ZBBX: variants seen among roughly 807,000 people sequenced by gnomAD.
The protein encoded by ZBBX is zinc finger B-box domain containing.
A neutral mutation model predicts 108.5 loss-of-function variants in ZBBX; 101 were observed. That is an observed-to-expected ratio of 0.93 (90% CI 0.79 to 1.10). The LOEUF is 1.10. Ranked by LOEUF, ZBBX falls within the 50% of genes least tolerant of loss-of-function variation. The probability of loss-of-function intolerance (pLI) is 0.00; values close to 1 mark genes in which losing one functional copy is unlikely to be tolerated. For synonymous variants in ZBBX, 356 were observed against 323.4 expected, an observed-to-expected ratio of 1.10 and a Z score of -1.08; for missense variants, 1,009 against 941.4, an observed-to-expected ratio of 1.07 and a Z score of -0.94.
chr3:167,249,892 T>C (rs963856793), intron 20 of ZBBX, among the ~76,000 whole-genome samples: 2 of 152,244 alleles, frequency 1.3e-5, no homozygotes, highest in African/African-American at 4.8e-5. Context: ...AGTGACGAGA[T>C]GGAAGACTGG....
intron 2 of ZBBX, among the ~76,000 whole-genome samples, chr3:167,375,074 G>T (rs1203702148): frequency 6.6e-6 from 1 of 152,164 alleles, no homozygotes; most frequent in African/African-American, 2.4e-5. Context: ...AGTCTAATGG[G>T]ATTTAGCAGG....
the ZBBX span, among the ~76,000 whole-genome samples, chr3:167,206,053 T>A: frequency 6.6e-6 from 1 of 152,084 alleles, no homozygotes; most frequent in Non-Finnish European, 1.5e-5. Flanking sequence ...TACAATATTA[T>A]TATTTCTAGT....
At chr3:167,401,252 T>C (rs910947562) in intron 1 of ZBBX, 2 of 152,142 alleles carry the variant, frequency 1.3e-5, no homozygotes, top group South Asian at 2.1e-4. Context: ...ACATTTGAAA[T>C]GAGTATCAAA....
intron 10 of ZBBX, among the ~76,000 whole-genome samples, chr3:167,330,060 AC>A (rs1271756132): frequency 6.6e-6 from 1 of 152,218 alleles, no homozygotes; most frequent in Non-Finnish European, 1.5e-5. Context: ...CTGGCAAAAG[AC>A]TGAAATAGCA....
At chr3:167,205,489 G>A in the ZBBX span, among the ~76,000 whole-genome samples, 347 of 152,298 alleles carry the variant, frequency 2.3e-3, 1 homozygote, top group Non-Finnish European at 3.4e-3. Context: ...TGGGTCATGT[G>A]TTAAATGGGA....
intron 1 of ZBBX, among the ~76,000 whole-genome samples, chr3:167,388,481 A>C (rs549223069): frequency 2.0e-5 from 3 of 152,026 alleles, no homozygotes; most frequent in South Asian, 4.2e-4. Flanking sequence ...AGACAGGGAG[A>C]TCAGTGAGAA....
chr3:167,182,646 C>A, the ZBBX span, among the ~76,000 whole-genome samples: 1 of 152,172 alleles, frequency 6.6e-6, no homozygotes, highest in African/African-American at 2.4e-5. Context: ...TGGGCCTGGG[C>A]ATTGCAAGCA....
intron 20 of ZBBX, among the ~76,000 whole-genome samples, chr3:167,280,997 T>G (rs1435139088): frequency 1.3e-5 from 2 of 152,068 alleles, no homozygotes; most frequent in Non-Finnish European, 2.9e-5. Flanking sequence ...AGTAAACTAT[T>G]GCAAGAACAA....
chr3:167,277,489 A>G (rs1385446876), intron 20 of ZBBX, among the ~76,000 whole-genome samples: 12 of 152,168 alleles, frequency 7.9e-5, no homozygotes, highest in Non-Finnish European at 1.5e-5. Flanking sequence ...ACAAAGATCA[A>G]AAGAGACAAA....
the ZBBX span, among the ~76,000 whole-genome samples, chr3:167,197,066 T>C: frequency 2.6e-5 from 4 of 152,236 alleles, no homozygotes; most frequent in Non-Finnish European, 5.9e-5. Flanking sequence ...TGCTGATATA[T>C]GGAAATGATT....
chr3:167,235,550 G>A (rs1720200490), downstream of ZBBX, among the ~76,000 whole-genome samples: 1 of 151,162 alleles, frequency 6.6e-6, no homozygotes, highest in East Asian at 1.9e-4. Flanking sequence ...ATATTCTTCT[G>A]GATAGAAAGC....
intron 9 of ZBBX, among the ~76,000 whole-genome samples, chr3:167,334,660 G>T (rs1371341217): frequency 6.6e-6 from 1 of 152,108 alleles, no homozygotes; most frequent in Non-Finnish European, 1.5e-5. Flanking sequence ...GGGTGCCAGA[G>T]TTAGGAAGTG....
chr3:167,330,369 C>T (rs1455018438), intron 10 of ZBBX, among the ~76,000 whole-genome samples: 6 of 151,998 alleles, frequency 3.9e-5, no homozygotes, highest in African/African-American at 1.2e-4. Context: ...TCTAAAAGAG[C>T]AATAAGGATA....
intron 18 of ZBBX, among the ~76,000 whole-genome samples, chr3:167,293,434 T>G (rs1337678629): frequency 6.6e-6 from 1 of 151,800 alleles, no homozygotes; most frequent in Non-Finnish European, 1.5e-5. Flanking sequence ...ACAGAACAAA[T>G]GACAAAAAAC....
intron 20 of ZBBX, among the ~76,000 whole-genome samples, chr3:167,256,108 G>C (rs1038540580): frequency 6.6e-6 from 1 of 152,024 alleles, no homozygotes; most frequent in African/African-American, 2.4e-5. Context: ...AATCTCCAGT[G>C]CCATCCATGT....
At chr3:167,316,469 A>C (rs1735474865) in intron 14 of ZBBX, among the ~76,000 whole-genome samples, 1 of 152,026 alleles carries the variant, frequency 6.6e-6, no homozygotes, top group South Asian at 2.1e-4. Context: ...TTCAGTCCAG[A>C]GCTCTAGCTC....
chr3:167,208,935 G>A, the ZBBX span, among the ~76,000 whole-genome samples: 1 of 152,110 alleles, frequency 6.6e-6, no homozygotes, highest in African/African-American at 2.4e-5. Flanking sequence ...AGAGGCCACT[G>A]CATTAACGGG....
chr3:167,269,788 T>C (rs2108464807), intron 20 of ZBBX, among the ~76,000 whole-genome samples: 1 of 152,322 alleles, frequency 6.6e-6, no homozygotes. Context: ...ATTCACCCTG[T>C]TGTCCCTAAC....
intron 19 of ZBBX, among the ~76,000 whole-genome samples, chr3:167,284,922 C>T (rs996428014): frequency 3.3e-5 from 5 of 151,998 alleles, no homozygotes; most frequent in Admixed American, 1.3e-4. Flanking sequence ...TTAACACTGG[C>T]ACTAGTTAAA....
Sources: gnomAD v4.1 joint callset for allele counts (sites outside exome capture counted in the v4.1 genomes callset) on GRCh38, gnomAD v4.1.1 for gene constraint, MANE v1.5 for transcripts, NCBI Gene and HGNC (gene_info 2026-07-23, HGNC 2026-07-21) for gene names.